LRRC7: variants seen among roughly 807,000 people sequenced by gnomAD.
LRRC7 encodes the protein leucine-rich repeat-containing protein 7.
In LRRC7, 23 loss-of-function variants were observed where a neutral mutation model predicts 175.7. That is an observed-to-expected ratio of 0.13 (90% CI 0.09 to 0.19). The LOEUF is 0.19. LRRC7 is among the 10% of genes least tolerant of loss of function. The probability of loss-of-function intolerance (pLI) is 1.00; values close to 1 mark genes in which losing one functional copy is unlikely to be tolerated. For synonymous variants in LRRC7, 685 were observed against 680.9 expected (o/e 1.01, Z -0.09); for missense variants, 1,354 against 1,904.7 (o/e 0.71, Z 5.38).
At chr1:69,882,867 G>T (rs1686777883) in intron 7 of LRRC7, among the ~76,000 whole-genome samples, 1 of 149,474 alleles carries the variant, frequency 6.7e-6, no homozygotes, top group Non-Finnish European at 1.5e-5. Flanking sequence ...TGCGGTGTTT[G>T]GTTTTTTGTT....
At chr1:69,647,354 G>T (rs2100462139) in intron 1 of LRRC7, among the ~76,000 whole-genome samples, 1 of 152,218 alleles carries the variant, frequency 6.6e-6, no homozygotes, top group African/African-American at 2.4e-5. Flanking sequence ...AAATTAAAGT[G>T]CCTTTATTTT....
At chr1:70,006,140 C>T (rs1655974946) in intron 11 of LRRC7, among the ~76,000 whole-genome samples, 1 of 152,108 alleles carries the variant, frequency 6.6e-6, no homozygotes, top group Non-Finnish European at 1.5e-5. Flanking sequence ...GAGTTTGAAT[C>T]TCTGGAATTT....
chr1:69,993,651 C>T (rs888308783), intron 10 of LRRC7, among the ~76,000 whole-genome samples: 5 of 152,132 alleles, frequency 3.3e-5, no homozygotes, highest in East Asian at 1.9e-4. Context: ...TTTAATTTGG[C>T]GTCTCTCAAA....
At chr1:69,595,798 A>C (rs577812876) in intron 1 of LRRC7, among the ~76,000 whole-genome samples, 16 of 152,200 alleles carry the variant, frequency 1.1e-4, no homozygotes, top group African/African-American at 3.9e-4. Flanking sequence ...GACTGTACAG[A>C]TATCCCAGCA....
intron 2 of LRRC7, among the ~76,000 whole-genome samples, chr1:69,716,494 A>C (rs972636062): frequency 6.6e-6 from 1 of 151,860 alleles, no homozygotes; most frequent in Admixed American, 6.6e-5. Context: ...TAGAGCCCCT[A>C]ATTCAATACT....
At chr1:69,980,170 G>A (rs1204373017) in intron 8 of LRRC7, among the ~76,000 whole-genome samples, 1 of 152,098 alleles carries the variant, frequency 6.6e-6, no homozygotes, top group South Asian at 2.1e-4. Flanking sequence ...TATTATTATT[G>A]TTCTAACTGA....
chr1:69,625,254 A>C (rs1199251063), intron 1 of LRRC7, among the ~76,000 whole-genome samples: 2 of 151,406 alleles, frequency 1.3e-5, no homozygotes, highest in Non-Finnish European at 2.9e-5. Context: ...TTTGATTTCA[A>C]ATATGTGAGC....
intron 2 of LRRC7, among the ~76,000 whole-genome samples, chr1:69,679,512 G>C (rs1263276526): frequency 6.6e-6 from 1 of 152,070 alleles, no homozygotes; most frequent in African/African-American, 2.4e-5. Context: ...TCATTCAATA[G>C]TGTTTTGGCC....
chr1:69,950,431 G>T (rs946750381), intron 8 of LRRC7, among the ~76,000 whole-genome samples: 1 of 152,126 alleles, frequency 6.6e-6, no homozygotes, highest in African/African-American at 2.4e-5. Flanking sequence ...AGATCATTTT[G>T]TAGAATAAAG....
chr1:69,932,577 C>G lies in LRRC7; in HGVS notation c.711+1007C>G, dbSNP rs1182907066. 2.6e-5 allele frequency among the ~76,000 whole-genome samples: 4 copies of G among 152,192 alleles called. No homozygotes were observed. In the South Asian group the frequency reaches 6.2e-4, roughly 24 times the overall value. ...TTGTTTTACTTCAACCATAGCTAAT[C>G]TGATCATTACCCCAGCCTCCATCAG... On this transcript the variant is annotated intron_variant, in intron 8 of 26. Coordinates refer to ENST00000651989, the MANE Select transcript of LRRC7 (RefSeq NM_001370785.2).
At chr1:70,099,480 G>A (rs1664661014) in intron 25 of LRRC7, among the ~76,000 whole-genome samples, 1 of 150,426 alleles carries the variant, frequency 6.6e-6, no homozygotes, top group Non-Finnish European at 1.5e-5. Context: ...AGGGCAATTA[G>A]GCAGGAGAAG....
chr1:69,752,955 C>T (rs1400330812), intron 2 of LRRC7, among the ~76,000 whole-genome samples: 1 of 152,016 alleles, frequency 6.6e-6, no homozygotes, highest in Non-Finnish European at 1.5e-5. Flanking sequence ...TGGCTGTGTG[C>T]AGACATGTGG....
chr1:70,126,959 T>C lies in LRRC7; in HGVS notation c.*5072T>C, dbSNP rs1666478092. ...CAGTGGATGTCTGCTTCTATCCTGCTGAAACACAGATAAGAGACCCTCTTA... is the reference window on the plus strand; with the variant it reads ...CAGTGGATGTCTGCTTCTATCCTGCCGAAACACAGATAAGAGACCCTCTTA... On this transcript the variant is annotated 3_prime_UTR_variant, in exon 27 of 27. Coordinates refer to ENST00000651989, the MANE Select transcript of LRRC7 (RefSeq NM_001370785.2). Among the ~76,000 whole-genome samples, 1 of 152,190 alleles carries C rather than the reference T, an allele frequency of 6.6e-6. No homozygotes were observed. The highest frequency in any genetic ancestry group is 2.1e-4 in the South Asian group (1 of 4,826).
intron 2 of LRRC7, among the ~76,000 whole-genome samples, chr1:69,683,541 G>A (rs1450433430): frequency 2.0e-5 from 3 of 151,972 alleles, no homozygotes; most frequent in African/African-American, 7.3e-5. Flanking sequence ...TCTTATAATT[G>A]TTGATCATAT....
At chr1:69,947,614 T>C (rs756513241) in intron 8 of LRRC7, among the ~76,000 whole-genome samples, 7 of 151,970 alleles carry the variant, frequency 4.6e-5, no homozygotes, top group Non-Finnish European at 1.0e-4. Flanking sequence ...TCTATCAACT[T>C]ATTTTTATAG....
intron 3 of LRRC7, among the ~76,000 whole-genome samples, chr1:69,788,472 G>A (rs1674747237): frequency 6.6e-6 from 1 of 152,136 alleles, no homozygotes; most frequent in Admixed American, 6.6e-5. Context: ...ACAAATCATA[G>A]CACATAATAG....
chr1:69,907,508 G>A (rs376046228), intron 7 of LRRC7, among the ~76,000 whole-genome samples: 1,940 of 152,154 alleles, frequency 0.013, 34 homozygotes, highest in African/African-American at 0.043. Context: ...TTCTGCATCT[G>A]TTGAGATAAT....
chr1:69,908,053 G>A (rs887619278), intron 7 of LRRC7, among the ~76,000 whole-genome samples: 1 of 152,160 alleles, frequency 6.6e-6, no homozygotes, highest in African/African-American at 2.4e-5. Context: ...TTGCATGGAG[G>A]TGTTTGTAGT....
chr1:69,977,994 C>T (rs374196996), intron 8 of LRRC7, among the ~76,000 whole-genome samples: 22 of 151,454 alleles, frequency 1.5e-4, no homozygotes, highest in African/African-American at 5.3e-4. Context: ...GTGGGCAGCC[C>T]GTTTGCTTCT....
Sources: allele counts gnomAD v4.1 joint callset (sites outside exome capture counted in the v4.1 genomes callset), GRCh38; gene constraint gnomAD v4.1.1; transcripts MANE v1.5; gene names NCBI Gene and HGNC (gene_info 2026-07-23, HGNC 2026-07-21).